Variants in CCDC91 observed in about 807,000 individuals in gnomAD.
CCDC91 encodes coiled-coil domain containing 91.
CCDC91 carries 48 observed loss-of-function variants against 63.2 expected under a neutral mutation model. That is an observed-to-expected ratio of 0.76 (90% CI 0.60 to 0.97). The LOEUF (loss-of-function observed/expected upper bound fraction) is 0.97, where lower values mean the gene tolerates loss of function less well. CCDC91 is among the 50% of genes least tolerant of loss of function. CCDC91 has a pLI of 0.00. For synonymous variants in CCDC91, 167 were observed against 165.8 expected, an observed-to-expected ratio of 1.01 and a Z score of -0.06; for missense variants, 500 against 494.6, an observed-to-expected ratio of 1.01 and a Z score of -0.10.
intron 8 of CCDC91, among the ~76,000 whole-genome samples, chr12:28,446,688 C>T (rs1292933274): frequency 1.3e-5 from 2 of 152,098 alleles, no homozygotes; most frequent in Non-Finnish European, 2.9e-5. Flanking sequence ...TGGTCTCTAA[C>T]TCCTGGACTC....
At chr12:28,431,051 C>A (rs1239879438) in intron 8 of CCDC91, among the ~76,000 whole-genome samples, 1 of 152,070 alleles carries the variant, frequency 6.6e-6, no homozygotes, top group Non-Finnish European at 1.5e-5. Context: ...CATTTTTAAT[C>A]TCTCTTCATT....
At chr12:28,369,918 C>A (rs2138790869) in intron 7 of CCDC91, among the ~76,000 whole-genome samples, 1 of 152,298 alleles carries the variant, frequency 6.6e-6, no homozygotes, top group South Asian at 2.1e-4. Context: ...TGTCCAGAGA[C>A]TGCATAGAGC....
intron 1 of CCDC91, among the ~76,000 whole-genome samples, chr12:28,194,259 C>G (rs1362522698): frequency 6.6e-6 from 1 of 152,052 alleles, no homozygotes; most frequent in Admixed American, 6.5e-5. Context: ...CTCTCTCTTT[C>G]TCTCTCTGTG....
At chr12:28,498,009 T>G (rs1484899457) in intron 12 of CCDC91, among the ~76,000 whole-genome samples, 2 of 151,614 alleles carry the variant, frequency 1.3e-5, no homozygotes, top group Non-Finnish European at 3.0e-5. Flanking sequence ...AGCTTAGCCA[T>G]GGAACTAAAC....
intron 12 of CCDC91, among the ~76,000 whole-genome samples, chr12:28,506,112 G>A (rs1435502465): frequency 6.6e-6 from 1 of 151,974 alleles, no homozygotes; most frequent in Non-Finnish European, 1.5e-5. Context: ...GTGATACATA[G>A]CTACTCTGTA....
At chr12:28,232,125 C>G (rs1944639748) in intron 1 of CCDC91, among the ~76,000 whole-genome samples, 1 of 152,062 alleles carries the variant, frequency 6.6e-6, no homozygotes, top group Non-Finnish European at 1.5e-5. Context: ...TTTTATATAT[C>G]TACCTGTAGA....
chr12:28,200,741 C>A (rs530228269), intron 1 of CCDC91, among the ~76,000 whole-genome samples: 35,993 of 147,594 alleles, frequency 0.24, 4,069 homozygotes, highest in Non-Finnish European at 0.29. Flanking sequence ...CCTTTCTATT[C>A]CACAAAACCG....
intron 8 of CCDC91, among the ~76,000 whole-genome samples, chr12:28,433,247 G>A (rs899961434): frequency 1.3e-5 from 2 of 151,872 alleles, no homozygotes; most frequent in African/African-American, 4.8e-5. Context: ...ATTTTTGTGT[G>A]TGTGTGCGAA....
intron 1 of CCDC91, among the ~76,000 whole-genome samples, chr12:28,239,035 G>T (rs531607066): frequency 4.9e-4 from 74 of 151,652 alleles, no homozygotes; most frequent in Non-Finnish European, 7.7e-4. Flanking sequence ...TGGGAGAATT[G>T]CTTGAACCCA....
intron 12 of CCDC91, among the ~76,000 whole-genome samples, chr12:28,496,503 G>A (rs1369217536): frequency 1.3e-5 from 2 of 151,526 alleles, no homozygotes; most frequent in Non-Finnish European, 3.0e-5. Flanking sequence ...ACATAGGGAG[G>A]ATATCAAAAA....
At chr12:28,498,917 T>C (rs1036817570) in intron 12 of CCDC91, among the ~76,000 whole-genome samples, 4 of 151,722 alleles carry the variant, frequency 2.6e-5, no homozygotes, top group African/African-American at 7.2e-5. Context: ...ACCTCATTTG[T>C]TTTGTTCACT....
At chr12:28,387,464 T>C (rs1341679330) in intron 7 of CCDC91, among the ~76,000 whole-genome samples, 1 of 152,172 alleles carries the variant, frequency 6.6e-6, no homozygotes, top group Non-Finnish European at 1.5e-5. Flanking sequence ...TCGTGGTGAT[T>C]TGTGAGATTT....
At chr12:28,417,931 A>T (rs749077843) in intron 8 of CCDC91, among the ~76,000 whole-genome samples, 12 of 152,056 alleles carry the variant, frequency 7.9e-5, no homozygotes, top group Non-Finnish European at 2.9e-5. Flanking sequence ...TCCTACATTG[A>T]GTGGTAAATG....
intron 6 of CCDC91, among the ~76,000 whole-genome samples, chr12:28,338,707 A>G (rs1362928006): frequency 6.6e-6 from 1 of 152,124 alleles, no homozygotes; most frequent in Non-Finnish European, 1.5e-5. Context: ...AATACACTGT[A>G]TAGGGTGGGG....
intron 1 of CCDC91, among the ~76,000 whole-genome samples, chr12:28,223,492 A>T (rs1408347567): frequency 6.6e-6 from 1 of 152,064 alleles, no homozygotes; most frequent in African/African-American, 2.4e-5. Flanking sequence ...CTTAGCTTCT[A>T]GCGTTCTGGT....
intron 1 of CCDC91, among the ~76,000 whole-genome samples, chr12:28,244,932 T>C (rs1044641295): frequency 2.0e-5 from 3 of 151,026 alleles, no homozygotes; most frequent in East Asian, 1.9e-4. Flanking sequence ...TAGAAGTCAA[T>C]TGGATTGTTA....
At chr12:28,548,165 A>G (rs889165824) in intron 12 of CCDC91, among the ~76,000 whole-genome samples, 3 of 152,124 alleles carry the variant, frequency 2.0e-5, no homozygotes, top group African/African-American at 7.2e-5. Context: ...TGTTTCGTTT[A>G]CCATATGAGT....
intron 1 of CCDC91, among the ~76,000 whole-genome samples, chr12:28,193,763 G>A (rs1166618441): frequency 6.6e-6 from 1 of 152,166 alleles, no homozygotes; most frequent in African/African-American, 2.4e-5. Context: ...TGCGTTTAGT[G>A]AAAACCCATT....
At chr12:28,281,130 G>A (rs1217261941) in intron 3 of CCDC91, among the ~76,000 whole-genome samples, 1 of 152,002 alleles carries the variant, frequency 6.6e-6, no homozygotes, top group African/African-American at 2.4e-5. Context: ...AGTCTATTTG[G>A]TCTTAATGCT....
Sources: allele counts gnomAD v4.1 joint callset (sites outside exome capture counted in the v4.1 genomes callset), GRCh38; gene constraint gnomAD v4.1.1; transcripts MANE v1.5; gene names NCBI Gene and HGNC (gene_info 2026-07-23, HGNC 2026-07-21).